Variants in CSMD1 observed in about 807,000 individuals in gnomAD.
CSMD1 encodes CUB and sushi domain-containing protein 1.
CSMD1 carries 213 observed loss-of-function variants against 417.5 expected under a neutral mutation model. The ratio of observed to expected loss-of-function variants is 0.51; its 90% CI spans 0.46 to 0.57. The LOEUF is 0.57. Among genes scored for constraint, CSMD1 ranks in the 20% least tolerant of loss-of-function variants. The pLI, the probability that CSMD1 is intolerant of heterozygous loss-of-function variation, is 0.00. For synonymous variants in CSMD1, 2,862 were observed against 1,736.8 expected (o/e 1.65, Z -16.11); for missense variants, 6,923 against 4,529.7 (o/e 1.53, Z -15.17).
intron 3 of CSMD1, among the ~76,000 whole-genome samples, chr8:4,046,837 T>G (rs1798172390): frequency 6.6e-6 from 1 of 152,150 alleles, no homozygotes; most frequent in African/African-American, 2.4e-5. Context: ...AGGCACTTCA[T>G]GTATTATTTC....
chr8:3,452,209 AT>A (rs1012445795), intron 12 of CSMD1, among the ~76,000 whole-genome samples: 1 of 152,136 alleles, frequency 6.6e-6, no homozygotes, highest in African/African-American at 2.4e-5. Flanking sequence ...GCTTAAGGAG[AT>A]TTTGGGCTGA....
In CSMD1 at chr8:4,062,812, G is replaced by T. The variant is rs577585904; in HGVS notation, c.416-30713C>A. 1.6e-4 allele frequency among the ~76,000 whole-genome samples: 24 copies of T among 151,950 alleles called. No individual in the cohort carries two copies. In the East Asian group the frequency reaches 4.5e-3, roughly 28 times the overall value. ...CCCAGTATCTGTCAGCATCACGGAT[G>T]TCTGACTTTAGGTCTTTGTGTGTCA... is the stretch of plus-strand genomic sequence containing the variant. On this transcript the variant is annotated intron_variant, in intron 3 of 69. Transcript: ENST00000635120.
intron 3 of CSMD1, among the ~76,000 whole-genome samples, chr8:4,039,402 G>T (rs574292737): frequency 6.6e-6 from 1 of 152,260 alleles, no homozygotes; most frequent in Admixed American, 6.5e-5. Flanking sequence ...AGAAAAATCT[G>T]GTTATATAAT....
chr8:4,031,297 C>T (rs1403623296), intron 4 of CSMD1, among the ~76,000 whole-genome samples: 1 of 152,184 alleles, frequency 6.6e-6, no homozygotes, highest in Non-Finnish European at 1.5e-5. Flanking sequence ...GTTTAATAGA[C>T]TTACCGTCCC....
intron 4 of CSMD1, among the ~76,000 whole-genome samples, chr8:4,030,694 T>C (rs971333362): frequency 6.6e-6 from 1 of 152,218 alleles, no homozygotes; most frequent in African/African-American, 2.4e-5. Context: ...CTTATACAAA[T>C]TTCTGCAGTT....
intron 1 of CSMD1, among the ~76,000 whole-genome samples, chr8:4,869,783 T>A (rs1802628036): frequency 6.6e-6 from 1 of 152,034 alleles, no homozygotes; most frequent in East Asian, 1.9e-4. Context: ...TACTTACACA[T>A]CTGTTTCTTT....
intron 3 of CSMD1, among the ~76,000 whole-genome samples, chr8:4,226,731 A>G (rs1000290018): frequency 5.3e-5 from 8 of 152,348 alleles, no homozygotes; most frequent in Middle Eastern, 6.8e-3. Context: ...TGAGTTTTTA[A>G]TAATCAGTTA....
chr8:4,466,277 A>G (rs1800162431), intron 2 of CSMD1, among the ~76,000 whole-genome samples: 1 of 152,140 alleles, frequency 6.6e-6, no homozygotes, highest in South Asian at 2.1e-4. Context: ...AATAAGCTTG[A>G]TGAGGAAGAA....
chr8:4,188,307 C>T (rs1019640955), intron 3 of CSMD1, among the ~76,000 whole-genome samples: 3 of 152,138 alleles, frequency 2.0e-5, no homozygotes, highest in African/African-American at 7.2e-5. Context: ...GTTGTCAAAT[C>T]GCTCACGTGG....
chr8:4,564,654 A>G (rs1261516956), intron 2 of CSMD1, among the ~76,000 whole-genome samples: 1 of 152,238 alleles, frequency 6.6e-6, no homozygotes, highest in East Asian at 1.9e-4. Context: ...TCACTGAGGA[A>G]GCAGATAATT....
intron 1 of CSMD1, among the ~76,000 whole-genome samples, chr8:4,729,574 G>C (rs1471895682): frequency 6.6e-6 from 1 of 152,154 alleles, no homozygotes; most frequent in Non-Finnish European, 1.5e-5. Flanking sequence ...TTTCGATATT[G>C]CTAGAGAAAC....
chr8:4,760,812 C>G (rs1340849124), intron 1 of CSMD1, among the ~76,000 whole-genome samples: 1 of 152,166 alleles, frequency 6.6e-6, no homozygotes. Context: ...GCAAAAAGAT[C>G]TGCTGCATTA....
At chr8:4,285,194 G>A (rs915276002) in intron 3 of CSMD1, among the ~76,000 whole-genome samples, 3 of 152,166 alleles carry the variant, frequency 2.0e-5, no homozygotes, top group Non-Finnish European at 4.4e-5. Context: ...GTATGTCAAG[G>A]AGTGTGTTAA....
chr8:4,374,777 C>T (rs556418778), intron 3 of CSMD1, among the ~76,000 whole-genome samples: 1 of 152,064 alleles, frequency 6.6e-6, no homozygotes, highest in African/African-American at 2.4e-5. Flanking sequence ...TGAATGGCCA[C>T]CTGCTCTAGG....
intron 1 of CSMD1, among the ~76,000 whole-genome samples, chr8:4,892,332 C>A (rs1047307696): frequency 6.6e-6 from 1 of 151,986 alleles, no homozygotes; most frequent in Admixed American, 6.6e-5. Flanking sequence ...ACTTAGGTGA[C>A]GAAGCCATCT....
At chr8:4,970,904 T>C (rs1406572852) in intron 1 of CSMD1, among the ~76,000 whole-genome samples, 2 of 152,154 alleles carry the variant, frequency 1.3e-5, no homozygotes, top group African/African-American at 4.8e-5. Context: ...AAGTGCTTTT[T>C]ATGTAATAAA....
At chr8:4,356,538 G>A (rs1365847694) in intron 3 of CSMD1, among the ~76,000 whole-genome samples, 1 of 152,148 alleles carries the variant, frequency 6.6e-6, no homozygotes, top group Non-Finnish European at 1.5e-5. Context: ...AAGTCTTAGA[G>A]TATTTTAAAT....
intron 12 of CSMD1, among the ~76,000 whole-genome samples, chr8:3,463,057 T>C (rs546844637): frequency 3.8e-4 from 58 of 152,306 alleles, no homozygotes; most frequent in African/African-American, 1.4e-3. Context: ...AGACACCAAA[T>C]CTGCCACTGC....
At chr8:4,989,593 G>T (rs760734272) in intron 1 of CSMD1, among the ~76,000 whole-genome samples, 23 of 152,336 alleles carry the variant, frequency 1.5e-4, no homozygotes, top group Non-Finnish European at 1.8e-4. Flanking sequence ...ACAGAGCGAA[G>T]TGAGCTCAAC....
Sources: allele counts gnomAD v4.1 joint callset (sites outside exome capture counted in the v4.1 genomes callset), GRCh38; gene constraint gnomAD v4.1.1; transcripts MANE v1.5; gene names NCBI Gene and HGNC (gene_info 2026-07-23, HGNC 2026-07-21).